LDLRAD4: variants seen among roughly 807,000 people sequenced by gnomAD.
LDLRAD4 encodes low-density lipoprotein receptor class A domain-containing protein 4.
Under a neutral mutation model 17.0 loss-of-function variants are expected in LDLRAD4, and 5 were observed. The ratio of observed to expected loss-of-function variants is 0.29; its 90% CI spans 0.15 to 0.62. The LOEUF (loss-of-function observed/expected upper bound fraction) is 0.62, where lower values mean the gene tolerates loss of function less well. Among genes scored for constraint, LDLRAD4 ranks in the 20% least tolerant of loss-of-function variants. The probability of loss-of-function intolerance (pLI) is 0.84; values close to 1 mark genes in which losing one functional copy is unlikely to be tolerated. For synonymous variants in LDLRAD4, 168 were observed against 171.8 expected (o/e 0.98, Z 0.17); for missense variants, 340 against 424.7 (o/e 0.80, Z 1.75).
chr18:13,514,710 G>A (rs936110708), intron 3 of LDLRAD4: 1 of 152,230 alleles, frequency 6.6e-6, no homozygotes, highest in Non-Finnish European at 1.5e-5. Context: ...CTGTGTCTCT[G>A]AGCTAATCCC....
intron 1 of LDLRAD4, among the ~76,000 whole-genome samples, chr18:13,376,166 G>A (rs933472450): frequency 6.6e-6 from 1 of 152,300 alleles, no homozygotes; most frequent in East Asian, 1.9e-4. Flanking sequence ...GGCTGTGCGG[G>A]CACTGGCCTC....
chr18:13,342,984 A>G (rs1373482336), intron 1 of LDLRAD4, among the ~76,000 whole-genome samples: 1 of 151,528 alleles, frequency 6.6e-6, no homozygotes, highest in Non-Finnish European at 1.5e-5. Flanking sequence ...ACATGTTTTG[A>G]TTCCCTTCTC....
intron 3 of LDLRAD4, among the ~76,000 whole-genome samples, chr18:13,543,916 G>A (rs1601249530): frequency 6.6e-6 from 1 of 152,234 alleles, no homozygotes; most frequent in African/African-American, 2.4e-5. Flanking sequence ...GTCTGTGAGG[G>A]AAACCAGCAC....
chr18:13,579,693 T>C (rs138565698), intron 3 of LDLRAD4, among the ~76,000 whole-genome samples: 90 of 152,346 alleles, frequency 5.9e-4, no homozygotes, highest in African/African-American at 1.9e-3. Flanking sequence ...TCTATGTAAA[T>C]AGCATTGAAA....
chr18:13,618,770 A>G (rs918114089), intron 3 of LDLRAD4, among the ~76,000 whole-genome samples: 1 of 152,282 alleles, frequency 6.6e-6, no homozygotes, highest in African/African-American at 2.4e-5. Context: ...TCAGGTCACA[A>G]TAGAAATGTG....
chr18:13,564,437 C>T (rs1376094376), intron 3 of LDLRAD4, among the ~76,000 whole-genome samples: 1 of 152,026 alleles, frequency 6.6e-6, no homozygotes, highest in Admixed American at 6.6e-5. Context: ...GGTGGCCAGG[C>T]CTCAGGGTGG....
intron 3 of LDLRAD4, chr18:13,461,073 G>C (rs1210163856): frequency 1.0e-5 from 1 of 96,630 alleles, no homozygotes; most frequent in African/African-American, 3.2e-5. Flanking sequence ...CACCATGCTG[G>C]GGTGGCCTGG....
intron 3 of LDLRAD4, among the ~76,000 whole-genome samples, chr18:13,550,816 T>G (rs2094425569): frequency 6.6e-6 from 1 of 152,172 alleles, no homozygotes; most frequent in South Asian, 2.1e-4. Context: ...GTCCAGAACC[T>G]GGCTCCAAGT....
chr18:13,406,732 G>A (rs535511542), intron 2 of LDLRAD4, among the ~76,000 whole-genome samples: 67 of 152,312 alleles, frequency 4.4e-4, no homozygotes, highest in Non-Finnish European at 2.9e-5. Flanking sequence ...AGGCCTGGTT[G>A]CACTTGCTCT....
In LDLRAD4 at chr18:13,225,091, C is replaced by G. The variant is rs558595869; in HGVS notation, c.-467+6103C>G. On this transcript the variant is annotated intron_variant, in intron 1 of 5. Transcript: ENST00000399848. ...CCTCAAGTGATCCGCCCGCCTCAGCCTCCCAAAGTGCTGGGATTACAGGTG... is the reference window on the plus strand; with the variant it reads ...CCTCAAGTGATCCGCCCGCCTCAGCGTCCCAAAGTGCTGGGATTACAGGTG... 3.9e-5 allele frequency among the ~76,000 whole-genome samples: 6 copies of G among 152,336 alleles called. No homozygotes were observed. The South Asian group carries it at 1.2e-3, about 32-fold the overall frequency.
intron 3 of LDLRAD4, chr18:13,612,389 G>A (rs1009673484): frequency 2.5e-6 from 3 of 1,186,944 alleles, no homozygotes; most frequent in Middle Eastern, 3.5e-4. Context: ...TCGGTGACAC[G>A]GCCGGCTTCC....
chr18:13,573,771 AATCTGGGT>A (rs1416486640), intron 3 of LDLRAD4, among the ~76,000 whole-genome samples: 2 of 152,166 alleles, frequency 1.3e-5, no homozygotes, highest in Non-Finnish European at 2.9e-5. Context: ...CTCAGAGAAC[AATCTGGGT>A]AAAGAGACTG....
At chr18:13,335,019 G>C (rs1430814710) in intron 1 of LDLRAD4, among the ~76,000 whole-genome samples, 3 of 152,090 alleles carry the variant, frequency 2.0e-5, no homozygotes, top group African/African-American at 7.2e-5. Flanking sequence ...CTGTCTTATA[G>C]TTTTCAAGTC....
intron 1 of LDLRAD4, among the ~76,000 whole-genome samples, chr18:13,333,058 C>CTA (rs2143796737): frequency 6.6e-6 from 1 of 152,242 alleles, no homozygotes; most frequent in East Asian, 1.9e-4. Flanking sequence ...TTCTGTTGCC[C>CTA]TACATCCTTG....
At chr18:13,509,596 T>C (rs1378249668) in intron 3 of LDLRAD4, among the ~76,000 whole-genome samples, 1 of 152,216 alleles carries the variant, frequency 6.6e-6, no homozygotes, top group Non-Finnish European at 1.5e-5. Flanking sequence ...ATTGTTGAAA[T>C]GACAACAAAG....
At chr18:13,640,693 A>G (rs937706310) in intron 4 of LDLRAD4, among the ~76,000 whole-genome samples, 1 of 152,240 alleles carries the variant, frequency 6.6e-6, no homozygotes, top group African/African-American at 2.4e-5. Context: ...AGGCTGAGGA[A>G]GGTGGTGTGG....
chr18:13,237,569 G>T (rs573830327), intron 1 of LDLRAD4, among the ~76,000 whole-genome samples: 186 of 152,326 alleles, frequency 1.2e-3, no homozygotes, highest in African/African-American at 4.2e-3. Flanking sequence ...AAAGCAGTTA[G>T]TTCGAAGACA....
chr18:13,639,353 T>C (rs1257598266), intron 4 of LDLRAD4, among the ~76,000 whole-genome samples: 1 of 152,176 alleles, frequency 6.6e-6, no homozygotes, highest in Non-Finnish European at 1.5e-5. Flanking sequence ...CTATCTGCAC[T>C]CTCTCAGTTG....
chr18:13,540,467 T>TTCTTC (rs1555733235), intron 3 of LDLRAD4, among the ~76,000 whole-genome samples: 2 of 152,180 alleles, frequency 1.3e-5, no homozygotes, highest in African/African-American at 4.8e-5. Flanking sequence ...ATAACCTTTT[T>TTCTTC]TTCTTCTTCT....
Sources: gnomAD v4.1 joint callset for allele counts (sites outside exome capture counted in the v4.1 genomes callset) on GRCh38, gnomAD v4.1.1 for gene constraint, MANE v1.5 for transcripts, NCBI Gene and HGNC (gene_info 2026-07-23, HGNC 2026-07-21) for gene names.